UNC5D: variants seen among roughly 807,000 people sequenced by gnomAD.
UNC5D encodes the protein netrin receptor UNC5D.
Under a neutral mutation model 105.4 loss-of-function variants are expected in UNC5D, and 39 were observed. The ratio of observed to expected loss-of-function variants is 0.37; its 90% CI spans 0.29 to 0.48. UNC5D has a LOEUF of 0.48. Among genes scored for constraint, UNC5D ranks in the 20% least tolerant of loss-of-function variants. The pLI is 0.98. For missense variants in UNC5D, 991 were observed against 1,202.4 expected (o/e 0.82, Z 2.60); for synonymous variants, 452 against 450.4 (o/e 1.00, Z -0.04).
intron 11 of UNC5D, among the ~76,000 whole-genome samples, chr8:35,740,264 G>A (rs188187287): frequency 6.6e-6 from 1 of 152,198 alleles, no homozygotes; most frequent in African/African-American, 2.4e-5. Context: ...AGGAGAAGGA[G>A]AGATTATCCT....
At chr8:35,760,040 C>CTTTTTT (rs796124727) in intron 14 of UNC5D, among the ~76,000 whole-genome samples, 5 of 132,940 alleles carry the variant, frequency 3.8e-5, no homozygotes, top group Non-Finnish European at 4.9e-5. Flanking sequence ...TTTACTTTTT[C>CTTTTTT]TTTTTTTTTT....
intron 1 of UNC5D, among the ~76,000 whole-genome samples, chr8:35,513,155 T>C (rs1812871219): frequency 2.0e-5 from 3 of 152,158 alleles, no homozygotes; most frequent in Admixed American, 2.0e-4. Flanking sequence ...GGGTTTGACA[T>C]GTTCTTCCCA....
chr8:35,697,474 C>T (rs747986190), intron 7 of UNC5D, among the ~76,000 whole-genome samples: 9 of 151,850 alleles, frequency 5.9e-5, no homozygotes, highest in Non-Finnish European at 1.0e-4. Context: ...ACAAATTGCC[C>T]TACCCCAACA....
intron 1 of UNC5D, among the ~76,000 whole-genome samples, chr8:35,483,462 T>C (rs1223612031): frequency 1.3e-5 from 2 of 152,232 alleles, no homozygotes; most frequent in Admixed American, 6.5e-5. Flanking sequence ...GTATATTTCA[T>C]ACATTGCTAG....
intron 4 of UNC5D, among the ~76,000 whole-genome samples, chr8:35,667,203 A>G (rs1824482911): frequency 1.3e-5 from 2 of 152,282 alleles, no homozygotes; most frequent in South Asian, 4.1e-4. Context: ...AAAATAGGAC[A>G]GTCTAAATTA....
At chr8:35,583,992 G>T (rs527441827) in intron 3 of UNC5D, among the ~76,000 whole-genome samples, 1 of 152,244 alleles carries the variant, frequency 6.6e-6, no homozygotes, top group African/African-American at 2.4e-5. Flanking sequence ...TGATCATTCT[G>T]GTGCCACATG....
intron 13 of UNC5D, among the ~76,000 whole-genome samples, chr8:35,758,394 A>C (rs1830611026): frequency 6.6e-6 from 1 of 152,078 alleles, no homozygotes; most frequent in Non-Finnish European, 1.5e-5. Context: ...AAAGGAGTTC[A>C]GGTTTTAATT....
intron 3 of UNC5D, 35 bp downstream of exon 3, chr8:35,568,276 C>T (rs774944962): frequency 1.9e-6 from 3 of 1,606,932 alleles, no homozygotes; most frequent in Non-Finnish European, 8.5e-7. Flanking sequence ...TCTTGTAGGA[C>T]CACAAATGAG....
chr8:35,610,404 G>A (rs559261260), intron 4 of UNC5D, among the ~76,000 whole-genome samples: 1 of 152,258 alleles, frequency 6.6e-6, no homozygotes, highest in South Asian at 2.1e-4. Flanking sequence ...ATCTTCTAGT[G>A]AATATCCTAA....
chr8:35,765,049 G>C (rs1039274475), intron 14 of UNC5D, among the ~76,000 whole-genome samples: 8 of 152,258 alleles, frequency 5.3e-5, no homozygotes, highest in African/African-American at 1.7e-4. Context: ...TTTCAGGGAA[G>C]TGCACTAGCA....
intron 1 of UNC5D, among the ~76,000 whole-genome samples, chr8:35,443,297 GCT>G (rs1325223592): frequency 6.6e-6 from 1 of 151,540 alleles, no homozygotes; most frequent in African/African-American, 2.4e-5. Context: ...GAGTCAGTTT[GCT>G]CTCTGTGGAA....
At chr8:35,613,052 G>A (rs1401987044) in intron 4 of UNC5D, among the ~76,000 whole-genome samples, 3 of 152,034 alleles carry the variant, frequency 2.0e-5, no homozygotes, top group Non-Finnish European at 4.4e-5. Context: ...AGAAGAACCA[G>A]CACCTCACCC....
intron 4 of UNC5D, among the ~76,000 whole-genome samples, chr8:35,612,513 G>A (rs1027530601): frequency 1.3e-5 from 2 of 152,042 alleles, no homozygotes; most frequent in African/African-American, 4.8e-5. Flanking sequence ...GAAGGTCTTA[G>A]CAGCTCACTA....
intron 8 of UNC5D, among the ~76,000 whole-genome samples, chr8:35,720,106 T>C (rs771253357): frequency 1.3e-5 from 2 of 152,104 alleles, no homozygotes; most frequent in Non-Finnish European, 2.9e-5. Flanking sequence ...GAGTGAAACA[T>C]AAAAGACAAA....
intron 4 of UNC5D, among the ~76,000 whole-genome samples, chr8:35,631,544 G>A (rs1016063015): frequency 3.9e-5 from 6 of 152,174 alleles, no homozygotes; most frequent in Middle Eastern, 3.2e-3. Context: ...AGCCTTATTT[G>A]TCTTTGTCAC....
chr8:35,272,045 A>C (rs1011414641), intron 1 of UNC5D, among the ~76,000 whole-genome samples: 1 of 151,980 alleles, frequency 6.6e-6, no homozygotes, highest in African/African-American at 2.4e-5. Context: ...TCTACCCACC[A>C]CTAAAATAAA....
intron 4 of UNC5D, among the ~76,000 whole-genome samples, chr8:35,605,625 G>C (rs1820238172): frequency 1.3e-5 from 2 of 152,188 alleles, no homozygotes; most frequent in Non-Finnish European, 2.9e-5. Context: ...TTGTTTGTCT[G>C]TGCCCTGCCC....
intron 3 of UNC5D, among the ~76,000 whole-genome samples, chr8:35,586,534 G>T (rs981778950): frequency 6.6e-6 from 1 of 152,162 alleles, no homozygotes; most frequent in African/African-American, 2.4e-5. Context: ...TTGCTGGCAT[G>T]CACCCATCCT....
At chr8:35,509,160 G>A (rs774122784) in intron 1 of UNC5D, among the ~76,000 whole-genome samples, 1 of 152,018 alleles carries the variant, frequency 6.6e-6, no homozygotes, top group Non-Finnish European at 1.5e-5. Flanking sequence ...TAGAATAAAG[G>A]TCTGTACTCA....
Sources: allele counts gnomAD v4.1 joint callset (sites outside exome capture counted in the v4.1 genomes callset), GRCh38; gene constraint gnomAD v4.1.1; transcripts MANE v1.5; gene names NCBI Gene and HGNC (gene_info 2026-07-23, HGNC 2026-07-21).